The following MED17 variants were observed in gnomAD, a reference collection of about 807,000 sequenced individuals.
The protein encoded by MED17 is mediator complex subunit 17, also known as mediator of RNA polymerase II transcription subunit 17.
Under a neutral mutation model 80.8 loss-of-function variants are expected in MED17, and 49 were observed. The ratio of observed to expected loss-of-function variants is 0.61; its 90% confidence interval spans 0.48 to 0.77. The LOEUF (loss-of-function observed/expected upper bound fraction) is 0.77. Ranked by LOEUF, MED17 falls within the 30% of genes least tolerant of loss-of-function variation. The pLI, the probability that MED17 is intolerant of heterozygous loss-of-function variation, is 0.00. For synonymous variants in MED17, 281 were observed against 280.4 expected, an observed-to-expected ratio of 1.00 and a Z score of -0.02; for missense variants, 718 against 787.0, an observed-to-expected ratio of 0.91 and a Z score of 1.05.
chr11:93,791,493 T>C (rs1943835962), intron 3 of MED17, among the ~76,000 whole-genome samples: 1 of 152,038 alleles, frequency 6.6e-6, no homozygotes, highest in African/African-American at 2.4e-5. Flanking sequence ...TTGCTTGAGC[T>C]TAGGAATTCG....
chr11:93,797,794 CT>C lies in MED17; in HGVS notation c.1328+81del, dbSNP rs1353093404. ...TGTTTTCTTCTGTTATTTCATAACA[CT>C]TTTTTGGGATGCTTTTGACTTTTTT... On this transcript the variant is annotated intron_variant, in intron 8 of 11. Transcript: ENST00000251871. The C allele has an allele frequency of 2.9e-6, 4 of 1,365,832 alleles. No homozygotes were observed. In the Admixed American group the frequency reaches 7.4e-5, roughly 25 times the overall value. The allele number at this position is 1,365,832 out of a possible 1,614,324, so 84.6% of individuals were successfully genotyped here. A position where few individuals can be genotyped will look rare whatever the true frequency, so the allele number is the denominator to read the frequency against.
rs73555015 is a variant in MED17, at chr11:93,797,497, A to G, written c.1144-38A>G. On this transcript the variant is annotated intron_variant, in intron 7 of 11. Transcript: ENST00000251871. Reference sequence around the variant, plus strand: ...GACTAAATATTATGTAGCATTTACTATGTGGATATTGGTATTTAAAATGGC... The same window carrying G: ...GACTAAATATTATGTAGCATTTACTGTGTGGATATTGGTATTTAAAATGGC... 376 of 1,542,054 alleles carry G rather than the reference A, an allele frequency of 2.4e-4. No homozygotes were observed. In the African/African-American group the frequency reaches 3.4e-3, roughly 14 times the overall value.
At chr11:93,796,183 C>G (rs997382403) in intron 6 of MED17, 26 of 478,030 alleles carry the variant, frequency 5.4e-5, no homozygotes, top group African/African-American at 5.1e-4. Flanking sequence ...AATCCCCTGA[C>G]CTTGTGATCC....
chr11:93,794,963 A>G lies in MED17; in HGVS notation c.915A>G (p.Lys305=). Residue 305 remains lysine (K), a synonymous_variant, in exon 6 of 12, where the codon AAA becomes AAG. Coordinates refer to ENST00000251871, the MANE Select transcript of MED17 (RefSeq NM_004268.5). ...LEAAQNVLLC[K]EIFAQLSREA... is the part of the protein sequence containing the mutation. ...CGGCACAGAATGTTCTCTTATGTAA[A>G]GAAATTTTTGCACAGCTCTCTCGGG... is the stretch of plus-strand genomic sequence containing the variant. 1 of 1,614,208 alleles carries G rather than the reference A, an allele frequency of 6.2e-7. No homozygotes were observed. Among genetic ancestry groups the G allele is most frequent in the Non-Finnish European group, 8.5e-7 (1 of 1,180,032 alleles).
At chr11:93,797,748 G>A (rs1565291251) in intron 8 of MED17, 29 bp downstream of exon 8, 2 of 1,587,194 alleles carry the variant, frequency 1.3e-6, no homozygotes, top group East Asian at 2.2e-5. Flanking sequence ...ACTGTTTTCT[G>A]TTTTTTCTTT....
chr11:93,790,401 AGT>A, intron 2 of MED17, 171 bp from the exon 3 acceptor site: 1 of 652,740 alleles, frequency 1.5e-6, no homozygotes, highest in East Asian at 2.8e-5. Context: ...TAAAGCTTTG[AGT>A]GAGTTGGACA....
intron 7 of MED17, 110 bp downstream of exon 7, chr11:93,796,650 A>T: frequency 8.2e-7 from 1 of 1,226,588 alleles, no homozygotes; most frequent in Middle Eastern, 1.9e-4. Context: ...TAGCAACAAC[A>T]TTCACTGTCT....
intron 8 of MED17, among the ~76,000 whole-genome samples, chr11:93,798,132 C>T (rs1053590511): frequency 2.0e-5 from 3 of 152,088 alleles, no homozygotes; most frequent in South Asian, 2.1e-4. Context: ...TTGTTCTTTG[C>T]GGCAGGTAGT....
chr11:93,804,153 G>A (rs1944000135), intron 9 of MED17, among the ~76,000 whole-genome samples: 1 of 151,784 alleles, frequency 6.6e-6, no homozygotes, highest in Non-Finnish European at 1.5e-5. Flanking sequence ...GTCAGTCCAA[G>A]TTCCAAAACT....
chr11:93,785,983 A>T (rs529252611), intron 1 of MED17, among the ~76,000 whole-genome samples: 2 of 143,498 alleles, frequency 1.4e-5, no homozygotes, highest in East Asian at 4.4e-4. Flanking sequence ...CAGCCTGGGT[A>T]ACAGAACAAG....
intron 11 of MED17, 55 bp downstream of exon 11, chr11:93,809,931 T>C: frequency 6.4e-7 from 1 of 1,563,210 alleles, no homozygotes; most frequent in South Asian, 1.1e-5. Context: ...GCTTTAACAT[T>C]TAGTTTTAAT....
At chr11:93,788,238 C>A in intron 2 of MED17, 71 bp downstream of exon 2, 1 of 1,359,326 alleles carries the variant, frequency 7.4e-7, no homozygotes, top group Non-Finnish European at 1.0e-6. Flanking sequence ...TGGCTTTGTG[C>A]CTGTTGTTCC....
At chr11:93,807,191 C>G (rs1944034868) in intron 9 of MED17, 1 of 244,896 alleles carries the variant, frequency 4.1e-6, no homozygotes, top group South Asian at 5.1e-5. Flanking sequence ...GCAGGTAGAT[C>G]ACTTCAGGTC....
At chr11:93,809,959 A>G in intron 11 of MED17, 83 bp downstream of exon 11, 1 of 1,384,582 alleles carries the variant, frequency 7.2e-7, no homozygotes, top group Non-Finnish European at 1.0e-6. Flanking sequence ...TATGGGTAAG[A>G]GTAATTTATC....
rs1013988732 is a variant in MED17, at chr11:93,812,532, A to C, written c.*468A>C. 5 of 196,062 alleles carry C rather than the reference A, an allele frequency of 2.6e-5. No individual in the cohort carries two copies. Among genetic ancestry groups the C allele is most frequent in the Non-Finnish European group, 4.1e-5 (4 of 97,786 alleles). The allele number at this position is 196,062 out of a possible 1,614,324, so 12.1% of individuals were successfully genotyped here. On this transcript the variant is annotated 3_prime_UTR_variant, in exon 12 of 12. Transcript: ENST00000251871. ...TGGTTCACTGCAGTCTTGACCTCCC[A>C]GGCTTAGGTGATCCTTCTGTCTCAG...
At chr11:93,803,643 A>C (rs965487821) in intron 9 of MED17, among the ~76,000 whole-genome samples, 1 of 152,178 alleles carries the variant, frequency 6.6e-6, no homozygotes, top group Non-Finnish European at 1.5e-5. Flanking sequence ...TTTATTTGCC[A>C]GTAAGCCTTT....
chr11:93,790,617 C>T lies in MED17; in HGVS notation c.461C>T (p.Ala154Val), dbSNP rs1225585352. The change falls in exon 3 of 12, where the codon GCT becomes GTT. Residue 154 changes from alanine (A) to valine (V), a missense_variant. Physicochemically the swap from Ala to Val is moderately conservative, Grantham distance 64 (BLOSUM62 0). Coordinates refer to ENST00000251871, the MANE Select transcript of MED17 (RefSeq NM_004268.5). Reference sequence around the variant, plus strand: ...TTGATATCTAAAAAGAAGTCACTTGCTGGAGCAGCACAAATCTTATTGAAG... The same window carrying T: ...TTGATATCTAAAAAGAAGTCACTTGTTGGAGCAGCACAAATCTTATTGAAG... ...LQLISKKKSL[A>V]GAAQILLKGA... The T allele has an allele frequency of 6.2e-7, 1 of 1,614,142 alleles. No individual in the cohort carries two copies. The highest frequency in any genetic ancestry group is 8.5e-7 in the Non-Finnish European group (1 of 1,180,034).
chr11:93,807,369 C>T (rs1412797762), intron 9 of MED17, 149 bp from the exon 10 acceptor site: 13 of 627,872 alleles, frequency 2.1e-5, no homozygotes, highest in South Asian at 1.3e-4. Context: ...GCTGAGATCA[C>T]GCCACTGCAC....
Position 93,809,715 on chromosome 11 carries a change from A to G in MED17, c.1585-2A>G. 6.2e-7 allele frequency: 1 copy of G among 1,614,186 alleles called. No homozygotes were observed. Among genetic ancestry groups the G allele is most frequent in the Non-Finnish European group, 8.5e-7 (1 of 1,180,016 alleles). On this transcript the variant is annotated splice_acceptor_variant, in intron 10 of 11. Coordinates refer to ENST00000251871, the MANE Select transcript of MED17 (RefSeq NM_004268.5). LOFTEE classifies it high-confidence loss of function. ...CAGTCAAGTGTCCTTTTTCATTCAC[A>G]GATGTCACAGCACCAGGTACATGCA... is the stretch of plus-strand genomic sequence containing the variant.
Sources: gnomAD v4.1 joint callset for allele counts (sites outside exome capture counted in the v4.1 genomes callset) on GRCh38, gnomAD v4.1.1 for gene constraint, MANE v1.5 for transcripts, NCBI Gene and HGNC (gene_info 2026-07-23, HGNC 2026-07-21) for gene names.